The following PLGRKT variants were observed in gnomAD, a reference collection of about 807,000 sequenced individuals.
The protein encoded by PLGRKT is plasminogen receptor (KT).
In PLGRKT, 22 loss-of-function variants were observed where a neutral mutation model predicts 18.5. That is an observed-to-expected ratio of 1.19 (90% CI 0.85 to 1.70). PLGRKT has a LOEUF of 1.70. Ranked by LOEUF, PLGRKT falls within the 40% of genes most tolerant of loss-of-function variation. PLGRKT has a pLI of 0.00. For missense variants in PLGRKT, 235 were observed against 174.4 expected, an observed-to-expected ratio of 1.35 and a Z score of -1.96; for synonymous variants, 72 against 52.8, an observed-to-expected ratio of 1.36 and a Z score of -1.58.
At position 5,361,104 on chromosome 9, in the gene PLGRKT, T is replaced by A; in HGVS notation, c.296A>T (p.Tyr99Phe). 6.3e-7 allele frequency: 1 copy of A among 1,591,222 alleles called. No individual in the cohort carries two copies. Among genetic ancestry groups the A allele is most frequent in the South Asian group, 1.1e-5 (1 of 90,234 alleles). Residue 99 changes from tyrosine to phenylalanine, a missense_variant, in exon 5 of 6, where the codon TAT becomes TTT. Physicochemically the swap from Tyr to Phe is conservative, Grantham distance 22 (BLOSUM62 3). Coordinates refer to ENST00000223864, the MANE Select transcript of PLGRKT (RefSeq NM_018465.4). ...TTTCATTCTTTCTAAAAGGGTTCCA[T>A]AGCCCAAGTCATACTGGTAGGTGAG... ...FILTYQYDLG[Y>F]GTLLERMKGE... is the part of the protein sequence containing the mutation.
chr9:5,361,858 TTTCACTCTGCA>T lies in PLGRKT; in HGVS notation c.101_111del (p.Met34AsnfsTer37). 1 of 1,613,194 alleles carries T rather than the reference TTTCACTCTGCA, an allele frequency of 6.2e-7. No individual in the cohort carries two copies. On this transcript the variant is annotated frameshift_variant, in exon 4 of 6. Coordinates refer to ENST00000223864, the MANE Select transcript of PLGRKT (RefSeq NM_018465.4). LOFTEE classifies it high-confidence loss of function. ...TGCATGGCCATTTGTCTTTCCCTCA[TTTCACTCTGCA>T]TGATGAGCTGCCTTTCCAGCTAAGG...
At position 5,411,031 on chromosome 9, in the gene PLGRKT, T is replaced by G. The variant is rs139948133; in HGVS notation, c.81+20866A>C. 3.5e-3 allele frequency among the ~76,000 whole-genome samples: 538 copies of G among 151,732 alleles called. 5 individuals carry two copies. The highest frequency in any genetic ancestry group is 0.013 in the African/African-American group (523 of 41,386). The stretch of plus-strand genomic sequence containing the variant: ...GTTATGTATATAATGAAACTAGAGA[T>G]GAAAGAAAAAATGGAGTAGTCATCA... On this transcript the variant is annotated intron_variant, in intron 3 of 5. Transcript: ENST00000223864.
chr9:5,367,527 T>C (rs558366600), intron 3 of PLGRKT, among the ~76,000 whole-genome samples: 1 of 152,132 alleles, frequency 6.6e-6, no homozygotes, highest in South Asian at 2.1e-4. Flanking sequence ...TGGGATAACT[T>C]CCTAGCTATA....
At position 5,358,144 on chromosome 9, in the gene PLGRKT, C is replaced by G. The variant is rs1817178610; in HGVS notation, c.*95G>C. ...GCATTTTAATATTTTAAAATAAAATCTATAATATCAAAATCTTGAGCATTT... is the reference window on the plus strand; with the variant it reads ...GCATTTTAATATTTTAAAATAAAATGTATAATATCAAAATCTTGAGCATTT... On this transcript the variant is annotated 3_prime_UTR_variant, in exon 6 of 6. Coordinates refer to ENST00000223864, the MANE Select transcript of PLGRKT (RefSeq NM_018465.4). The G allele has an allele frequency of 9.6e-6, 8 of 831,796 alleles. No homozygotes were observed. The East Asian group carries it at 1.8e-4, about 19-fold the overall frequency. 51.5% of individuals were successfully genotyped at this position (831,796 alleles called of 1,614,324 possible).
At chr9:5,408,931 G>C (rs768582600) in intron 3 of PLGRKT, among the ~76,000 whole-genome samples, 1 of 152,254 alleles carries the variant, frequency 6.6e-6, no homozygotes, top group African/African-American at 2.4e-5. Context: ...GGTGCAAGCT[G>C]TAAGTCTTGG....
intron 3 of PLGRKT, among the ~76,000 whole-genome samples, chr9:5,403,568 C>T (rs766973812): frequency 6.6e-6 from 1 of 152,186 alleles, no homozygotes; most frequent in African/African-American, 2.4e-5. Context: ...GTGATTCATA[C>T]TTCACAGTAA....
intron 3 of PLGRKT, among the ~76,000 whole-genome samples, chr9:5,403,452 T>C (rs1818195807): frequency 6.6e-6 from 1 of 152,148 alleles, no homozygotes; most frequent in Non-Finnish European, 1.5e-5. Context: ...CTCGAACTCC[T>C]GACCTCAGGT....
At chr9:5,369,051 G>C (rs1817458599) in intron 3 of PLGRKT, among the ~76,000 whole-genome samples, 1 of 152,100 alleles carries the variant, frequency 6.6e-6, no homozygotes, top group South Asian at 2.1e-4. Flanking sequence ...GCATGGGCAA[G>C]GACTTCATGA....
chr9:5,365,661 T>C (rs28502674), intron 3 of PLGRKT, among the ~76,000 whole-genome samples: 31,887 of 152,084 alleles, frequency 0.21, 3,451 homozygotes, highest in South Asian at 0.28. Flanking sequence ...ACAAATGAAA[T>C]CTGAACGTGG....
rs188841586 is a variant in PLGRKT at position 5,421,724 on chromosome 9, A to G, written c.81+10173T>C. Among the ~76,000 whole-genome samples the G allele has an allele frequency of 2.0e-5, 3 of 152,340 alleles. No individual in the cohort carries two copies. The East Asian group carries it at 5.8e-4, about 29-fold the overall frequency. ...CCTCAGAGTAACCCTACAAAGTATC[A>G]TACTCCTTATTATTAAGCTATATAC... is the stretch of plus-strand genomic sequence containing the variant. On this transcript the variant is annotated intron_variant, in intron 3 of 5. Transcript: ENST00000223864.
chr9:5,418,640 G>A lies in PLGRKT; in HGVS notation c.81+13257C>T. ...AGCAGGTGGCGGCTCATATCTCCGG[G>A]CAGCAGCGCGTGCTCCTTGGAGATG... is the stretch of plus-strand genomic sequence containing the variant. On this transcript the variant is annotated intron_variant, in intron 3 of 5. Transcript: ENST00000223864. The surrounding 1 kb of genome is among the most constrained non-coding windows in gnomAD (Gnocchi z 4.2). 2.9e-6 allele frequency: 2 copies of A among 696,452 alleles called. No individual in the cohort carries two copies. Among genetic ancestry groups the A allele is most frequent in the South Asian group, 1.5e-5 (1 of 66,122 alleles). The allele number at this position is 696,452 out of a possible 1,614,324, so 43.1% of individuals were successfully genotyped here.
rs144650094 is a variant in PLGRKT at position 5,396,078 on chromosome 9, G to A, written c.82-34190C>T. 8.7e-3 allele frequency among the ~76,000 whole-genome samples: 1,311 copies of A among 151,292 alleles called. 53 individuals carry two copies. Among genetic ancestry groups the A allele is most frequent in the African/African-American group, 0.031 (1,261 of 40,912 alleles). On this transcript the variant is annotated intron_variant, in intron 3 of 5. Transcript: ENST00000223864. ...CCGGCTAATTTTTGTAGTTTTAGTA[G>A]AGACGGGGTTTCACCATGTGGGCCA...
intron 3 of PLGRKT, among the ~76,000 whole-genome samples, chr9:5,375,380 T>G (rs1817608376): frequency 6.6e-6 from 1 of 152,148 alleles, no homozygotes; most frequent in Non-Finnish European, 1.5e-5. Flanking sequence ...TGCATGAGCT[T>G]CCAGGAACAA....
intron 3 of PLGRKT, among the ~76,000 whole-genome samples, chr9:5,424,365 T>C (rs184078420): frequency 1.5e-5 from 2 of 132,570 alleles, no homozygotes; most frequent in African/African-American, 2.8e-5. Flanking sequence ...ATATAATACA[T>C]AATGTAATAA....
intron 3 of PLGRKT, among the ~76,000 whole-genome samples, chr9:5,419,916 G>A (rs1456437962): frequency 6.6e-6 from 1 of 152,152 alleles, no homozygotes; most frequent in African/African-American, 2.4e-5. Flanking sequence ...ACAAAAACTG[G>A]TATAAGAATG....
rs573156740 is a variant in PLGRKT at position 5,398,567 on chromosome 9, G to A, written c.81+33330C>T. The stretch of plus-strand genomic sequence containing the variant: ...ATTTCTAAGTGAGTAATAATTAGAT[G>A]CTCTAAGTTTTCAATTTGATAAAGC... On this transcript the variant is annotated intron_variant, in intron 3 of 5. Coordinates refer to ENST00000223864, the MANE Select transcript of PLGRKT (RefSeq NM_018465.4). Among the ~76,000 whole-genome samples the A allele has an allele frequency of 5.8e-3, 884 of 151,822 alleles. 3 individuals carry two copies. Among genetic ancestry groups the A allele is most frequent in the Non-Finnish European group, 0.01 (706 of 68,002 alleles).
chr9:5,429,044 A>T (rs1818761152), intron 3 of PLGRKT, among the ~76,000 whole-genome samples: 2 of 152,272 alleles, frequency 1.3e-5, no homozygotes, highest in Middle Eastern at 3.4e-3. Flanking sequence ...ACTGAATTCA[A>T]CTGATAGAGT....
intron 3 of PLGRKT, among the ~76,000 whole-genome samples, chr9:5,396,467 G>T (rs6476972): frequency 0.038 from 5,742 of 150,654 alleles, 442 homozygotes; most frequent in African/African-American, 0.13. Flanking sequence ...TGTATTTTTA[G>T]TATTTTTAAT....
chr9:5,405,978 C>T (rs1341820461), intron 3 of PLGRKT, among the ~76,000 whole-genome samples: 1 of 152,088 alleles, frequency 6.6e-6, no homozygotes, highest in Non-Finnish European at 1.5e-5. Context: ...CAAAAAAAGA[C>T]ATACATGCCG....
Sources: gnomAD v4.1 joint callset for allele counts (sites outside exome capture counted in the v4.1 genomes callset) on GRCh38, gnomAD v4.1.1 for gene constraint, Gnocchi (gnomAD v3.1) non-coding constraint, MANE v1.5 for transcripts, NCBI Gene and HGNC (gene_info 2026-07-23, HGNC 2026-07-21) for gene names.